Variants in HSD17B3 observed in about 807,000 individuals in gnomAD.
The protein encoded by HSD17B3 is hydroxysteroid 17-beta dehydrogenase 3, also known as 17-beta-hydroxysteroid dehydrogenase type 3.
In HSD17B3, 29 loss-of-function variants were observed where a neutral mutation model predicts 41.1. The ratio of observed to expected loss-of-function variants is 0.71; its 90% confidence interval spans 0.53 to 0.96. The LOEUF is 0.96. HSD17B3 is among the 40% of genes least tolerant of loss of function. HSD17B3 has a pLI of 0.00. For missense variants in HSD17B3, 323 were observed against 374.6 expected (o/e 0.86, Z 1.14); for synonymous variants, 126 against 145.6 (o/e 0.87, Z 0.97).
Position 96,301,982 on chromosome 9 carries a change from CTT to C in HSD17B3, c.121_122del (p.Lys41ValfsTer38), listed in dbSNP as rs1554705693. 1.2e-6 allele frequency: 2 copies of C among 1,614,056 alleles called. No homozygotes were observed. The highest frequency in any genetic ancestry group is 1.7e-5 in the Admixed American group (1 of 60,008). ...ACTGTCCCATTGACCGCAAGAAAGA[CTT>C]TGGCAAAACTTTCCAGTAGTTCAGT... ...VLLNYWKVLP[K>X]SFLRSMGQWA... On this transcript the variant is annotated frameshift_variant, in exon 1 of 11. Transcript: ENST00000375263. LOFTEE classifies it high-confidence loss of function.
intron 3 of HSD17B3, 34 bp from the exon 4 acceptor site, chr9:96,252,944 G>C (rs775530460): frequency 1.9e-5 from 26 of 1,373,586 alleles, no homozygotes; most frequent in Non-Finnish European, 2.7e-5. Context: ...TTAATGAACA[G>C]GGATCCAAAT....
At chr9:96,260,587 C>A in intron 2 of HSD17B3, among the ~76,000 whole-genome samples, 1 of 152,004 alleles carries the variant, frequency 6.6e-6, no homozygotes, top group Admixed American at 6.6e-5. Context: ...TGGTGAAACG[C>A]CATCTCTACT....
chr9:96,235,332 T>C lies in HSD17B3; in HGVS notation c.*128A>G. Reference sequence around the variant, plus strand: ...AAAGTGGCAAAAAATGTGTATTCTATGCCTCTGTGACCCCAGCCCCCTCCA... The same window carrying C: ...AAAGTGGCAAAAAATGTGTATTCTACGCCTCTGTGACCCCAGCCCCCTCCA... On this transcript the variant is annotated 3_prime_UTR_variant, in exon 11 of 11. Coordinates refer to ENST00000375263, the MANE Select transcript of HSD17B3 (RefSeq NM_000197.2). The C allele has an allele frequency of 2.7e-6, 2 of 728,202 alleles. No individual in the cohort carries two copies. Among genetic ancestry groups the C allele is most frequent in the Non-Finnish European group, 5.0e-6 (2 of 401,700 alleles). 45.1% of individuals were successfully genotyped at this position (728,202 alleles called of 1,614,324 possible).
At chr9:96,244,291 C>G in intron 9 of HSD17B3, 38 bp downstream of exon 9, 1 of 1,607,546 alleles carries the variant, frequency 6.2e-7, no homozygotes, top group Non-Finnish European at 8.5e-7. Flanking sequence ...CCCACCTCAC[C>G]TGGATGATGA....
chr9:96,285,127 C>A (rs1826867887), intron 2 of HSD17B3, among the ~76,000 whole-genome samples: 1 of 152,194 alleles, frequency 6.6e-6, no homozygotes, highest in South Asian at 2.1e-4. Context: ...GCGTGAGCCA[C>A]TGCACCCAGC....
chr9:96,285,195 T>C (rs1399306551), intron 2 of HSD17B3, among the ~76,000 whole-genome samples: 1 of 152,178 alleles, frequency 6.6e-6, no homozygotes, highest in African/African-American at 2.4e-5. Context: ...CTGTACTTTA[T>C]ACAAATAATC....
chr9:96,269,277 T>C (rs1411069170), intron 2 of HSD17B3, among the ~76,000 whole-genome samples: 2 of 152,212 alleles, frequency 1.3e-5, no homozygotes, highest in Non-Finnish European at 2.9e-5. Flanking sequence ...CCATTGTATA[T>C]GCAGTCTGTC....
intron 1 of HSD17B3, among the ~76,000 whole-genome samples, chr9:96,300,275 C>G (rs1002035325): frequency 2.7e-5 from 4 of 147,460 alleles, no homozygotes; most frequent in Non-Finnish European, 6.0e-5. Context: ...ATATAAGACG[C>G]AGAAGTCAAA....
intron 5 of HSD17B3, chr9:96,250,158 GTATAA>G (rs1836837832): frequency 2.4e-6 from 3 of 1,235,844 alleles, no homozygotes; most frequent in Non-Finnish European, 2.0e-6. Flanking sequence ...ACAAATGGTT[GTATAA>G]TATAAGGTAG....
intron 2 of HSD17B3, among the ~76,000 whole-genome samples, chr9:96,297,056 A>C (rs1163294050): frequency 6.6e-6 from 1 of 151,502 alleles, no homozygotes; most frequent in East Asian, 1.9e-4. Flanking sequence ...CACAGTTTTG[A>C]CATAAGAAAA....
chr9:96,257,525 A>G (rs1359195562), intron 2 of HSD17B3, among the ~76,000 whole-genome samples: 1 of 152,178 alleles, frequency 6.6e-6, no homozygotes, highest in African/African-American at 2.4e-5. Context: ...TTTTTATCCT[A>G]TATAAATGAC....
intron 2 of HSD17B3, among the ~76,000 whole-genome samples, chr9:96,264,263 C>A (rs1479176511): frequency 6.6e-6 from 1 of 151,230 alleles, no homozygotes; most frequent in Admixed American, 6.6e-5. Context: ...TCTAAAAATA[C>A]CTACAAACAA....
In HSD17B3 at chr9:96,238,836, G is replaced by A. The variant is rs181383843; in HGVS notation, c.822+1922C>T. The stretch of plus-strand genomic sequence containing the variant: ...GGAGAAGTGTGATTCATGAGTAAGG[G>A]TGGCACTGAGGGCAAAGAAGGGGCC... On this transcript the variant is annotated intron_variant, in intron 10 of 10. Coordinates refer to ENST00000375263, the MANE Select transcript of HSD17B3 (RefSeq NM_000197.2). 1.1e-3 allele frequency among the ~76,000 whole-genome samples: 163 copies of A among 152,272 alleles called. 1 individual carries two copies. The highest frequency in any genetic ancestry group is 4.1e-4 in the Non-Finnish European group (28 of 68,018).
intron 4 of HSD17B3, 92 bp from the exon 5 acceptor site, chr9:96,251,577 T>C: frequency 8.6e-7 from 1 of 1,158,314 alleles, no homozygotes; most frequent in Admixed American, 1.9e-5. Context: ...CATGTAAGGT[T>C]GTTCATCGCA....
chr9:96,253,898 T>C (rs1327154195), intron 3 of HSD17B3, among the ~76,000 whole-genome samples: 1 of 151,958 alleles, frequency 6.6e-6, no homozygotes, highest in Non-Finnish European at 1.5e-5. Context: ...AATTCATGGG[T>C]TCAAGGGCAC....
intron 2 of HSD17B3, among the ~76,000 whole-genome samples, chr9:96,262,400 C>T (rs955024213): frequency 1.3e-5 from 2 of 151,666 alleles, no homozygotes; most frequent in Non-Finnish European, 2.9e-5. Flanking sequence ...CCCACCACCA[C>T]GACTGGCTAA....
intron 2 of HSD17B3, among the ~76,000 whole-genome samples, chr9:96,293,520 TCCTCTC>T (rs895654419): frequency 2.0e-5 from 3 of 151,828 alleles, no homozygotes; most frequent in African/African-American, 7.3e-5. Flanking sequence ...AACCTTTCTC[TCCTCTC>T]CCTCTCCCTC....
intron 2 of HSD17B3, among the ~76,000 whole-genome samples, chr9:96,285,852 AG>A (rs1307187080): frequency 1.3e-5 from 2 of 152,176 alleles, no homozygotes; most frequent in Non-Finnish European, 2.9e-5. Flanking sequence ...TGCAACCTTT[AG>A]GATTAAGGGT....
intron 10 of HSD17B3, chr9:96,240,039 A>G (rs568555089): frequency 7.6e-6 from 1 of 132,040 alleles, no homozygotes; most frequent in African/African-American, 2.9e-5. Context: ...ACATGGACAC[A>G]GGGAGGGGAA....
Sources: allele counts gnomAD v4.1 joint callset (sites outside exome capture counted in the v4.1 genomes callset), GRCh38; gene constraint gnomAD v4.1.1; transcripts MANE v1.5; gene names NCBI Gene and HGNC (gene_info 2026-07-23, HGNC 2026-07-21).